Variants in SDK1 observed in about 807,000 individuals in gnomAD.
SDK1 encodes the protein protein sidekick-1.
SDK1 carries 157 observed loss-of-function variants against 245.5 expected under a neutral mutation model. That is an observed-to-expected ratio of 0.64 (90% CI 0.56 to 0.73). The LOEUF (loss-of-function observed/expected upper bound fraction) is 0.73, where lower values mean the gene tolerates loss of function less well. Among genes scored for constraint, SDK1 ranks in the 30% least tolerant of loss-of-function variants. The probability of loss-of-function intolerance (pLI) is 0.00; values close to 1 mark genes in which losing one functional copy is unlikely to be tolerated. For missense variants in SDK1, 3,583 were observed against 3,002.3 expected, an observed-to-expected ratio of 1.19 and a Z score of -4.52; for synonymous variants, 1,647 against 1,278.5, an observed-to-expected ratio of 1.29 and a Z score of -6.15.
At chr7:4,098,831 T>C (rs1271887341) in intron 22 of SDK1, among the ~76,000 whole-genome samples, 5 of 137,640 alleles carry the variant, frequency 3.6e-5, no homozygotes, top group Non-Finnish European at 4.7e-5. Flanking sequence ...GCCCTTTTTT[T>C]TTTTTTTTTT....
chr7:3,691,510 T>C (rs1261500330), intron 4 of SDK1, among the ~76,000 whole-genome samples: 1 of 152,174 alleles, frequency 6.6e-6, no homozygotes, highest in African/African-American at 2.4e-5. Context: ...GGATACTCTC[T>C]CCCCTTTTCA....
At chr7:3,554,722 T>A (rs992122004) in intron 1 of SDK1, among the ~76,000 whole-genome samples, 10 of 152,248 alleles carry the variant, frequency 6.6e-5, no homozygotes, top group African/African-American at 2.4e-4. Flanking sequence ...ATATAACTGA[T>A]AAACAAATTC....
chr7:3,865,220 C>A (rs757563639), intron 5 of SDK1, among the ~76,000 whole-genome samples: 3 of 152,098 alleles, frequency 2.0e-5, no homozygotes, highest in Non-Finnish European at 4.4e-5. Flanking sequence ...GCCCAGGGGG[C>A]TGGAGGTTGT....
At chr7:3,735,588 C>G (rs1269344618) in intron 4 of SDK1, among the ~76,000 whole-genome samples, 1 of 152,152 alleles carries the variant, frequency 6.6e-6, no homozygotes, top group Non-Finnish European at 1.5e-5. Flanking sequence ...AAGGTTGTTC[C>G]CACCTTTTTG....
At chr7:3,969,542 GA>G in intron 11 of SDK1, 118 bp downstream of exon 11, 1 of 681,226 alleles carries the variant, frequency 1.5e-6, no homozygotes, top group Non-Finnish European at 2.2e-6. Context: ...AAAAGAGAAT[GA>G]TTATTTTTAC....
chr7:4,040,352 C>G (rs1788531919), intron 17 of SDK1, among the ~76,000 whole-genome samples: 1 of 152,132 alleles, frequency 6.6e-6, no homozygotes, highest in African/African-American at 2.4e-5. Context: ...AGTCTTCAAC[C>G]CGGGGGTCCG....
chr7:3,585,939 G>T (rs1489765061), intron 1 of SDK1, among the ~76,000 whole-genome samples: 1 of 152,186 alleles, frequency 6.6e-6, no homozygotes, highest in Non-Finnish European at 1.5e-5. Context: ...TGCTAAAGGA[G>T]ACACAGTATG....
At chr7:3,551,155 G>C (rs1450432336) in intron 1 of SDK1, among the ~76,000 whole-genome samples, 1 of 152,052 alleles carries the variant, frequency 6.6e-6, no homozygotes, top group East Asian at 1.9e-4. Context: ...ACCGTAGTTT[G>C]TCAGGAGTTA....
chr7:4,056,751 G>A (rs1405191249), intron 19 of SDK1, among the ~76,000 whole-genome samples: 1 of 152,150 alleles, frequency 6.6e-6, no homozygotes, highest in East Asian at 1.9e-4. Flanking sequence ...CGAGCCCAGA[G>A]CAGCTACTAT....
intron 7 of SDK1, among the ~76,000 whole-genome samples, chr7:3,956,801 C>T (rs757546418): frequency 2.6e-5 from 4 of 152,160 alleles, no homozygotes; most frequent in Non-Finnish European, 5.9e-5. Context: ...GCAGCATCGT[C>T]TGGGCCTGGA....
At chr7:3,362,118 T>G (rs1378540752) in intron 1 of SDK1, among the ~76,000 whole-genome samples, 1 of 152,200 alleles carries the variant, frequency 6.6e-6, no homozygotes, top group African/African-American at 2.4e-5. Flanking sequence ...AATAGCATTT[T>G]GATCTGAGGA....
intron 4 of SDK1, among the ~76,000 whole-genome samples, chr7:3,795,605 C>T (rs773407213): frequency 2.0e-5 from 3 of 152,078 alleles, no homozygotes; most frequent in Non-Finnish European, 4.4e-5. Context: ...AGCTGGCATT[C>T]TCTTTCTTAT....
chr7:3,624,388 G>T (rs79338957), intron 2 of SDK1, among the ~76,000 whole-genome samples: 3 of 152,042 alleles, frequency 2.0e-5, no homozygotes, highest in African/African-American at 7.2e-5. Context: ...TTGTGCAGAT[G>T]GGGTTGCACT....
At chr7:4,104,393 A>G (rs533821340) in intron 22 of SDK1, among the ~76,000 whole-genome samples, 1 of 152,344 alleles carries the variant, frequency 6.6e-6, no homozygotes, top group East Asian at 1.9e-4. Flanking sequence ...GCTAGGGGCC[A>G]TCACGTTAAA....
At position 3,969,244 on chromosome 7, in the gene SDK1, C is replaced by T; in HGVS notation, c.1547-13C>T. 6.3e-7 allele frequency: 1 copy of T among 1,580,860 alleles called. No individual in the cohort carries two copies. The highest frequency in any genetic ancestry group is 1.7e-4 in the Middle Eastern group (1 of 5,946). ...ACGACTGTAACATGCCTCTTTTCTC[C>T]ACTGTTCTTTAGAAAACCACATTCT... On this transcript the variant is annotated splice_polypyrimidine_tract_variant and intron_variant, in intron 10 of 44. Transcript: ENST00000404826.
chr7:3,415,559 A>C (rs984458708), intron 1 of SDK1, among the ~76,000 whole-genome samples: 2 of 152,092 alleles, frequency 1.3e-5, no homozygotes, highest in Non-Finnish European at 2.9e-5. Flanking sequence ...AATACTATGT[A>C]TTGCTCATAG....
intron 5 of SDK1, among the ~76,000 whole-genome samples, chr7:3,837,286 A>G (rs1780049208): frequency 1.3e-5 from 2 of 152,310 alleles, no homozygotes; most frequent in Admixed American, 1.3e-4. Flanking sequence ...TATTTAGCCC[A>G]CACAATACCT....
intron 19 of SDK1, among the ~76,000 whole-genome samples, chr7:4,062,457 G>A (rs1274347001): frequency 1.3e-5 from 2 of 152,156 alleles, no homozygotes; most frequent in African/African-American, 2.4e-5. Flanking sequence ...ATGAGATTGA[G>A]TCAGTAATAA....
chr7:3,758,974 C>A (rs190401669), intron 4 of SDK1, among the ~76,000 whole-genome samples: 1 of 152,180 alleles, frequency 6.6e-6, no homozygotes, highest in African/African-American at 2.4e-5. Flanking sequence ...CTGTTTTCCT[C>A]CCTTGGTTAC....
Sources: gnomAD v4.1 joint callset for allele counts (sites outside exome capture counted in the v4.1 genomes callset) on GRCh38, gnomAD v4.1.1 for gene constraint, MANE v1.5 for transcripts, NCBI Gene and HGNC (gene_info 2026-07-23, HGNC 2026-07-21) for gene names.